PSPC1: variants seen among roughly 807,000 people sequenced by gnomAD.
PSPC1 encodes paraspeckle protein 1.
Under a neutral mutation model 51.6 loss-of-function variants are expected in PSPC1, and 14 were observed. The ratio of observed to expected loss-of-function variants is 0.27; its 90% confidence interval spans 0.18 to 0.42. The LOEUF (loss-of-function observed/expected upper bound fraction) is 0.42. Among genes scored for constraint, PSPC1 ranks in the 10% least tolerant of loss-of-function variants. PSPC1 has a pLI of 1.00. For synonymous variants in PSPC1, 193 were observed against 231.9 expected (o/e 0.83, Z 1.53); for missense variants, 406 against 701.1 (o/e 0.58, Z 4.75).
chr13:19,677,272 G>T lies in PSPC1; in HGVS notation c.*76+452C>A, dbSNP rs568890548. Among the ~76,000 whole-genome samples the T allele has an allele frequency of 1.2e-3, 181 of 151,294 alleles. 5 individuals are homozygous for T. The South Asian group carries it at 0.037, about 31-fold the overall frequency. On this transcript the variant is annotated intron_variant and NMD_transcript_variant, in intron 7 of 7. Coordinates refer to the PSPC1 transcript ENST00000471658. ...AAAAGAGATTACATATTTTCCAAAG[G>T]AACACAAGTTTAAAATTCTAGGTTT...
At chr13:19,724,426 AAAC>A (rs1362887925) in intron 6 of PSPC1, among the ~76,000 whole-genome samples, 3 of 152,210 alleles carry the variant, frequency 2.0e-5, no homozygotes, top group African/African-American at 7.2e-5. Flanking sequence ...ACAAACAAAG[AAAC>A]AACAACAAAA....
At chr13:19,722,149 A>G (rs1182679012) in intron 6 of PSPC1, among the ~76,000 whole-genome samples, 1 of 152,200 alleles carries the variant, frequency 6.6e-6, no homozygotes, top group African/African-American at 2.4e-5. Flanking sequence ...GTAGACAACA[A>G]AGTCAGAAAA....
chr13:19,747,530 A>G (rs1417216706), intron 4 of PSPC1, among the ~76,000 whole-genome samples: 5 of 152,124 alleles, frequency 3.3e-5, no homozygotes, highest in Non-Finnish European at 7.4e-5. Flanking sequence ...ACGGGGTCTC[A>G]CTGTGTTACT....
At chr13:19,760,741 C>T (rs1887537418) in intron 2 of PSPC1, among the ~76,000 whole-genome samples, 2 of 152,008 alleles carry the variant, frequency 1.3e-5, no homozygotes, top group African/African-American at 4.8e-5. Flanking sequence ...GTAATCCCAG[C>T]ACTTTGGTAG....
chr13:19,751,598 A>C (rs1437039051), intron 3 of PSPC1, 131 bp from the exon 4 acceptor site: 1 of 514,964 alleles, frequency 1.9e-6, no homozygotes, highest in African/African-American at 2.0e-5. Flanking sequence ...CCTCGTGACA[A>C]TATTGTGATT....
At chr13:19,765,866 T>G (rs569917993) in intron 2 of PSPC1, among the ~76,000 whole-genome samples, 1 of 152,308 alleles carries the variant, frequency 6.6e-6, no homozygotes, top group East Asian at 1.9e-4. Context: ...CCTAGATAAC[T>G]CATTATTTTC....
intron 6 of PSPC1, among the ~76,000 whole-genome samples, chr13:19,719,252 C>T (rs1882484418): frequency 1.3e-5 from 2 of 151,982 alleles, no homozygotes; most frequent in East Asian, 3.9e-4. Flanking sequence ...CATAATCTTG[C>T]TGTGGACCTA....
chr13:19,723,811 A>G (rs983844713), intron 6 of PSPC1, among the ~76,000 whole-genome samples: 1 of 152,246 alleles, frequency 6.6e-6, no homozygotes, highest in Non-Finnish European at 1.5e-5. Flanking sequence ...TTGGCTTGTA[A>G]TAAATTATTT....
At chr13:19,739,890 C>A (rs1014229176) in intron 5 of PSPC1, among the ~76,000 whole-genome samples, 5 of 148,690 alleles carry the variant, frequency 3.4e-5, no homozygotes, top group Admixed American at 2.7e-4. Flanking sequence ...AACAGTAGTT[C>A]TCAAGCTTTC....
intron 6 of PSPC1, among the ~76,000 whole-genome samples, chr13:19,680,164 A>G (rs1484655842): frequency 2.6e-5 from 4 of 152,024 alleles, no homozygotes; most frequent in African/African-American, 4.8e-5. Flanking sequence ...ACAGGCGCAC[A>G]CTACCGCGCC....
downstream of PSPC1, among the ~76,000 whole-genome samples, chr13:19,674,287 G>GT (rs1876369787): frequency 1.3e-5 from 2 of 152,122 alleles, no homozygotes; most frequent in South Asian, 4.1e-4. Flanking sequence ...TGATAATGTT[G>GT]AATAACTACA....
intron 6 of PSPC1, among the ~76,000 whole-genome samples, chr13:19,713,350 CCTA>C (rs1399260163): frequency 6.6e-6 from 1 of 151,874 alleles, no homozygotes; most frequent in East Asian, 1.9e-4. Context: ...ATGAAGTAGG[CCTA>C]CTGTTACCTC....
chr13:19,685,646 A>C (rs186619004), intron 6 of PSPC1, among the ~76,000 whole-genome samples: 2 of 152,342 alleles, frequency 1.3e-5, no homozygotes, highest in African/African-American at 4.8e-5. Context: ...CTAGTGCAGC[A>C]GCAAGAGTAG....
intron 6 of PSPC1, among the ~76,000 whole-genome samples, chr13:19,692,747 C>T (rs1878718393): frequency 6.6e-6 from 1 of 152,056 alleles, no homozygotes; most frequent in Non-Finnish European, 1.5e-5. Flanking sequence ...AACCAGAAAC[C>T]CCTAGGACAC....
intron 6 of PSPC1, among the ~76,000 whole-genome samples, chr13:19,718,257 T>C (rs1166020403): frequency 6.6e-6 from 1 of 151,954 alleles, no homozygotes; most frequent in Non-Finnish European, 1.5e-5. Flanking sequence ...ACAATCTCTT[T>C]ATATATATAT....
chr13:19,772,949 G>T (rs1052636234), intron 1 of PSPC1, among the ~76,000 whole-genome samples: 2 of 152,028 alleles, frequency 1.3e-5, no homozygotes, highest in African/African-American at 2.4e-5. Context: ...ATCACCTGAG[G>T]TCAGGAGTTT....
chr13:19,724,774 G>A (rs184496290), intron 6 of PSPC1, among the ~76,000 whole-genome samples: 26 of 152,202 alleles, frequency 1.7e-4, no homozygotes, highest in African/African-American at 5.8e-4. Flanking sequence ...CCGAGCGGGC[G>A]GATCACCTGA....
At chr13:19,764,616 T>C (rs776262472) in intron 2 of PSPC1, among the ~76,000 whole-genome samples, 1 of 138,150 alleles carries the variant, frequency 7.2e-6, no homozygotes, top group Non-Finnish European at 1.5e-5. Context: ...AGGCCAGGAA[T>C]TCCAGGTTAC....
At position 19,688,298 on chromosome 13, in the gene PSPC1, T is replaced by C. The variant is rs187888174; in HGVS notation, c.1159-10475A>G. ...TAGCACTACTACTGAACTGTACACATAGCAGGTGATTCTTACAGATAATAC... is the reference window on the plus strand; with the variant it reads ...TAGCACTACTACTGAACTGTACACACAGCAGGTGATTCTTACAGATAATAC... On this transcript the variant is annotated intron_variant and NMD_transcript_variant, in intron 6 of 7. Coordinates refer to the PSPC1 transcript ENST00000471658. Among the ~76,000 whole-genome samples the C allele has an allele frequency of 5.3e-3, 811 of 152,262 alleles. 3 individuals are homozygous for C. The highest frequency in any genetic ancestry group is 7.6e-3 in the African/African-American group (315 of 41,550).
Sources: gnomAD v4.1 joint callset for allele counts (sites outside exome capture counted in the v4.1 genomes callset) on GRCh38, gnomAD v4.1.1 for gene constraint, MANE v1.5 for transcripts, NCBI Gene and HGNC (gene_info 2026-07-23, HGNC 2026-07-21) for gene names.